Variants in PCDHGB6 observed in about 807,000 individuals in gnomAD.
PCDHGB6 encodes the protein protocadherin gamma-B6.
PCDHGB6 carries 51 observed loss-of-function variants against 59.1 expected under a neutral mutation model. That is an observed-to-expected ratio of 0.86 (90% confidence interval 0.69 to 1.09). The LOEUF (loss-of-function observed/expected upper bound fraction) is 1.09, where lower values mean the gene tolerates loss of function less well. Among genes scored for constraint, PCDHGB6 ranks in the 50% least tolerant of loss-of-function variants. The pLI is 0.00. For synonymous variants in PCDHGB6, 466 were observed against 495.1 expected (o/e 0.94, Z 0.78); for missense variants, 1,148 against 1,205.1 (o/e 0.95, Z 0.70).
chr5:141,472,564 A>G (rs1471933375), intron 1 of PCDHGB6, among the ~76,000 whole-genome samples: 6 of 152,050 alleles, frequency 3.9e-5, no homozygotes, highest in Admixed American at 2.6e-4. Context: ...TATATTATAA[A>G]TGCTGCATCT....
Position 141,430,867 on chromosome 5 carries a change from G to T in PCDHGB6, c.2418+20247G>T, listed in dbSNP as rs1157718106. ...GCACCCAGATACGCTATTCAGTTCC[G>T]GAAGAGCTGGAGAAAGGCTCTAGGG... On this transcript the variant is annotated intron_variant, in intron 1 of 3. Coordinates refer to ENST00000520790, the MANE Select transcript of PCDHGB6 (RefSeq NM_018926.3). 2.5e-6 allele frequency: 4 copies of T among 1,596,238 alleles called. No individual in the cohort carries two copies. In the East Asian group the frequency reaches 8.9e-5, roughly 36 times the overall value.
intron 1 of PCDHGB6, chr5:141,441,621 G>C (rs2098260273): frequency 9.0e-6 from 2 of 223,292 alleles, no homozygotes; most frequent in Non-Finnish European, 1.8e-5. Flanking sequence ...CGTGGCCAGT[G>C]ACCTGGAGCC....
At chr5:141,483,640 G>T (rs1406049976) in intron 1 of PCDHGB6, among the ~76,000 whole-genome samples, 3 of 144,232 alleles carry the variant, frequency 2.1e-5, no homozygotes, top group Non-Finnish European at 4.5e-5. Flanking sequence ...GTATAGAGGG[G>T]TGTGTGTTTG....
chr5:141,446,558 T>G (rs1413501675), intron 1 of PCDHGB6, among the ~76,000 whole-genome samples: 3 of 151,788 alleles, frequency 2.0e-5, no homozygotes, highest in Non-Finnish European at 1.5e-5. Flanking sequence ...CTCACTGCAA[T>G]CTCTGCCTCC....
At chr5:141,413,338 G>A in intron 1 of PCDHGB6, 1 of 1,613,980 alleles carries the variant, frequency 6.2e-7, no homozygotes, top group African/African-American at 1.3e-5. Context: ...CATCTCCAAG[G>A]ACTTGGGTCT....
Position 141,477,780 on chromosome 5 carries a change from T to C in PCDHGB6, c.2419-17027T>C. On this transcript the variant is annotated intron_variant, in intron 1 of 3. Coordinates refer to ENST00000520790, the MANE Select transcript of PCDHGB6 (RefSeq NM_018926.3). The surrounding 1 kb of genome is among the most constrained non-coding windows in gnomAD (Gnocchi z 4.9). ...CTAGCCACCAACATCAGCGTGAACA[T>C]ATTTGTCACTGATCGCAATGACAAT... 6.2e-7 allele frequency: 1 copy of C among 1,614,048 alleles called. No homozygotes were observed. Among genetic ancestry groups the C allele is most frequent in the Non-Finnish European group, 8.5e-7 (1 of 1,180,030 alleles).
rs1264130543 is a variant in PCDHGB6 at position 141,485,467 on chromosome 5, C to T, written c.2419-9340C>T. 2 of 1,614,112 alleles carry T rather than the reference C, an allele frequency of 1.2e-6. No homozygotes were observed. The highest frequency in any genetic ancestry group is 1.7e-6 in the Non-Finnish European group (2 of 1,180,024). On this transcript the variant is annotated intron_variant, in intron 1 of 3. Transcript: ENST00000520790. The surrounding 1 kb of genome is among the most constrained non-coding windows in gnomAD (Gnocchi z 5.7). ...TCGACCGAGAGGCACTGTGTGGGCT[C>T]AGTGCCAGCTGCATCGTGCCCCTGG... is the stretch of plus-strand genomic sequence containing the variant.
rs1430260899 is a variant in PCDHGB6, at chr5:141,415,763, T to G, written c.2418+5143T>G. On this transcript the variant is annotated intron_variant, in intron 1 of 3. Transcript: ENST00000520790. ...AGGTTTTTTTTTTTTTTTTTTTTTT[T>G]TTTTTTTTTACTTTCTGGTAAAATT... is the stretch of plus-strand genomic sequence containing the variant. The G allele has an allele frequency of 1.1e-5, 15 of 1,398,354 alleles. No homozygotes were observed. The African/African-American group carries it at 2.1e-4, about 19-fold the overall frequency. 86.6% of individuals were successfully genotyped at this position (1,398,354 alleles called of 1,614,324 possible). A position where few individuals can be genotyped will look rare whatever the true frequency, so the allele number is the denominator to read the frequency against.
chr5:141,430,637 G>A (rs2097298854), intron 1 of PCDHGB6: 1 of 890,676 alleles, frequency 1.1e-6, no homozygotes, highest in Admixed American at 2.8e-5. Context: ...ACCATCCCTG[G>A]GAGTATGTGG....
intron 1 of PCDHGB6, chr5:141,427,993 C>G: frequency 6.3e-7 from 1 of 1,599,460 alleles, no homozygotes; most frequent in South Asian, 1.1e-5. Flanking sequence ...CCCGATGGCT[C>G]CGCACTCTTC....
chr5:141,428,729 ATAT>A (rs2097158318), intron 1 of PCDHGB6: 2 of 159,768 alleles, frequency 1.3e-5, no homozygotes. Flanking sequence ...AATCTTAAAC[ATAT>A]TATATCTACT....
At chr5:141,481,346 C>T (rs2099536003) in intron 1 of PCDHGB6, among the ~76,000 whole-genome samples, 1 of 152,248 alleles carries the variant, frequency 6.6e-6, no homozygotes, top group Non-Finnish European at 1.5e-5. Context: ...ATTATTTAAA[C>T]ATCTACAGCT....
Position 141,490,983 on chromosome 5 carries a change from C to T in PCDHGB6, c.2419-3824C>T. ...ACTCAGCCCCCCAGCGTCTCCCTCG[C>T]TCTGCTCCTCCTGGCTCCTTGGTCA... On this transcript the variant is annotated intron_variant, in intron 1 of 3. Transcript: ENST00000520790. The surrounding 1 kb of genome is among the most constrained non-coding windows in gnomAD (Gnocchi z 5.4). 2 of 1,614,120 alleles carry T rather than the reference C, an allele frequency of 1.2e-6. No individual in the cohort carries two copies. Among genetic ancestry groups the T allele is most frequent in the South Asian group, 2.2e-5 (2 of 91,082 alleles).
Position 141,432,837 on chromosome 5 carries a change from T to C in PCDHGB6, c.2418+22217T>C. On this transcript the variant is annotated intron_variant, in intron 1 of 3. Transcript: ENST00000520790. This position sits in a 1 kb window ranked among gnomAD's most constrained non-coding sequence, Gnocchi z 6.0. ...GAAACCTCAGACCTCACTCTGTACC[T>C]GGTGGTAGCGGTGGCCGCGGTCTCC... The C allele has an allele frequency of 6.2e-7, 1 of 1,614,180 alleles. No individual in the cohort carries two copies. Among genetic ancestry groups the C allele is most frequent in the Non-Finnish European group, 8.5e-7 (1 of 1,180,004 alleles).
rs777058727 is a variant in PCDHGB6 at position 141,431,947 on chromosome 5, A to G, written c.2418+21327A>G. 6 of 1,614,052 alleles carry G rather than the reference A, an allele frequency of 3.7e-6. No homozygotes were observed. The highest frequency in any genetic ancestry group is 2.2e-5 in the East Asian group (1 of 44,894). ...GAAATCTGCCCTTTAAATTAGAAAAATCTTACGGAAATTACTATAGTTTAG... is the reference window on the plus strand; with the variant it reads ...GAAATCTGCCCTTTAAATTAGAAAAGTCTTACGGAAATTACTATAGTTTAG... On this transcript the variant is annotated intron_variant, in intron 1 of 3. Transcript: ENST00000520790. This position sits in a 1 kb window ranked among gnomAD's most constrained non-coding sequence, Gnocchi z 4.8.
In PCDHGB6 at chr5:141,477,868, C is replaced by A; in HGVS notation, c.2419-16939C>A. The A allele has an allele frequency of 6.2e-7, 1 of 1,613,750 alleles. No homozygotes were observed. Among genetic ancestry groups the A allele is most frequent in the Non-Finnish European group, 8.5e-7 (1 of 1,179,908 alleles). ...CGGTGGAGATGCTGCCTCGAGGTAC[C>A]TCAGCTGGCCACCTAGTGTCACGGG... On this transcript the variant is annotated intron_variant, in intron 1 of 3. Coordinates refer to ENST00000520790, the MANE Select transcript of PCDHGB6 (RefSeq NM_018926.3). The surrounding 1 kb of genome is among the most constrained non-coding windows in gnomAD (Gnocchi z 4.9).
rs772516694 is a variant in PCDHGB6 at position 141,409,909 on chromosome 5, T to C, written c.1707T>C (p.Pro569=). The C allele has an allele frequency of 1.2e-6, 2 of 1,613,200 alleles. No individual in the cohort carries two copies. The highest frequency in any genetic ancestry group is 2.7e-5 in the African/African-American group (2 of 74,936). The change falls in exon 1 of 4, where the codon CCT becomes CCC. Residue 569 remains proline, a synonymous_variant. Coordinates refer to ENST00000520790, the MANE Select transcript of PCDHGB6 (RefSeq NM_018926.3). ...APRVLYPALG[P]DGSAFFDMVP... ...GGGTGCTGTACCCAGCTCTGGGTCC[T>C]GACGGCTCCGCGTTCTTCGATATGG...
intron 2 of PCDHGB6, among the ~76,000 whole-genome samples, chr5:141,497,671 C>T (rs1026356633): frequency 6.6e-5 from 10 of 151,878 alleles, no homozygotes; most frequent in African/African-American, 2.4e-4. Flanking sequence ...TCCCGAGTAG[C>T]TGGGACAGCA....
intron 2 of PCDHGB6, among the ~76,000 whole-genome samples, chr5:141,495,623 C>T (rs990126072): frequency 3.3e-5 from 5 of 152,208 alleles, no homozygotes; most frequent in South Asian, 2.1e-4. Context: ...GCACCTCAGC[C>T]TCAGTCCCTT....
Sources: allele counts gnomAD v4.1 joint callset (sites outside exome capture counted in the v4.1 genomes callset), GRCh38; gene constraint gnomAD v4.1.1; non-coding constraint Gnocchi (gnomAD v3.1); transcripts MANE v1.5; gene names NCBI Gene and HGNC (gene_info 2026-07-23, HGNC 2026-07-21).